The following CDKAL1 variants were observed in gnomAD, a reference collection of about 807,000 sequenced individuals.
CDKAL1 encodes the protein threonylcarbamoyladenosine tRNA methylthiotransferase.
CDKAL1 carries 32 observed loss-of-function variants against 68.2 expected under a neutral mutation model. The ratio of observed to expected loss-of-function variants is 0.47; its 90% confidence interval spans 0.35 to 0.63. CDKAL1 has a LOEUF of 0.63. CDKAL1 is among the 30% of genes least tolerant of loss of function. The probability of loss-of-function intolerance (pLI) is 0.00; values close to 1 mark genes in which losing one functional copy is unlikely to be tolerated. For synonymous variants in CDKAL1, 234 were observed against 244.3 expected (o/e 0.96, Z 0.39); for missense variants, 606 against 696.7 (o/e 0.87, Z 1.47).
intron 13 of CDKAL1, among the ~76,000 whole-genome samples, chr6:21,130,024 T>C (rs1057292596): frequency 6.6e-6 from 1 of 152,160 alleles, no homozygotes; most frequent in African/African-American, 2.4e-5. Flanking sequence ...TAGTCTGATA[T>C]GTCTTTCACC....
chr6:20,740,758 A>T (rs971060796), intron 6 of CDKAL1, among the ~76,000 whole-genome samples: 4 of 152,188 alleles, frequency 2.6e-5, no homozygotes, highest in African/African-American at 9.7e-5. Context: ...TTGAACAAAC[A>T]TTCTCACTTT....
At chr6:20,998,498 G>A (rs965792569) in intron 10 of CDKAL1, among the ~76,000 whole-genome samples, 1 of 152,110 alleles carries the variant, frequency 6.6e-6, no homozygotes, top group Non-Finnish European at 1.5e-5. Context: ...TGTAATCCCA[G>A]CTACTTGGAC....
chr6:21,018,446 G>C (rs1039263975), intron 11 of CDKAL1, among the ~76,000 whole-genome samples: 4 of 152,076 alleles, frequency 2.6e-5, no homozygotes, highest in African/African-American at 9.7e-5. Context: ...TGCTAATACC[G>C]AAGTTGATTT....
chr6:21,095,170 G>A (rs577112370), intron 12 of CDKAL1, among the ~76,000 whole-genome samples: 1 of 152,334 alleles, frequency 6.6e-6, no homozygotes, highest in East Asian at 1.9e-4. Context: ...AGTATCCCGA[G>A]GCTGAGTGGA....
chr6:20,833,850 T>C (rs1777820908), intron 8 of CDKAL1, among the ~76,000 whole-genome samples: 1 of 152,156 alleles, frequency 6.6e-6, no homozygotes, highest in Non-Finnish European at 1.5e-5. Context: ...TCTCAGTTAA[T>C]GCAAGGTTGG....
Position 21,104,873 on chromosome 6 carries a change from T to C in CDKAL1, c.1237-3528T>C, listed in dbSNP as rs565775089. On this transcript the variant is annotated intron_variant, in intron 12 of 15. Coordinates refer to ENST00000274695, the MANE Select transcript of CDKAL1 (RefSeq NM_017774.3). Reference sequence around the variant, plus strand: ...TATCAAAGTAAAATCAAAACCTACATTAAGTCACACAAAACAACTTCTGAA... The same window carrying C: ...TATCAAAGTAAAATCAAAACCTACACTAAGTCACACAAAACAACTTCTGAA... Among the ~76,000 whole-genome samples the C allele has an allele frequency of 5.3e-5, 8 of 152,298 alleles. No homozygotes were observed. In the South Asian group the frequency reaches 1.2e-3, roughly 24 times the overall value.
At chr6:20,673,285 T>C (rs1269455403) in intron 5 of CDKAL1, among the ~76,000 whole-genome samples, 1 of 152,186 alleles carries the variant, frequency 6.6e-6, no homozygotes, top group East Asian at 1.9e-4. Context: ...TCCCCAAAGA[T>C]ACCAAGATCT....
chr6:21,200,967 A>C, intron 14 of CDKAL1, 143 bp from the exon 15 acceptor site: 1 of 642,508 alleles, frequency 1.6e-6, no homozygotes, highest in Non-Finnish European at 2.6e-6. Context: ...TACTAATGTA[A>C]GACGGTAAAT....
intron 15 of CDKAL1, among the ~76,000 whole-genome samples, chr6:21,206,623 A>G (rs779288113): frequency 2.0e-5 from 3 of 152,218 alleles, no homozygotes; most frequent in Non-Finnish European, 2.9e-5. Context: ...TCTTAGTAGT[A>G]AAAATTGCTT....
At chr6:21,228,270 G>GTATC (rs1031422250) in intron 15 of CDKAL1, among the ~76,000 whole-genome samples, 1 of 152,152 alleles carries the variant, frequency 6.6e-6, no homozygotes, top group African/African-American at 2.4e-5. Flanking sequence ...CTGGGTGAAG[G>GTATC]TATCTGTGAA....
chr6:21,160,691 A>G (rs1406261216), intron 13 of CDKAL1, among the ~76,000 whole-genome samples: 1 of 138,158 alleles, frequency 7.2e-6, no homozygotes, highest in African/African-American at 2.7e-5. Context: ...GTGTCCAAAA[A>G]TATATATATA....
chr6:20,737,813 G>A (rs1322054703), intron 5 of CDKAL1, among the ~76,000 whole-genome samples: 1 of 152,150 alleles, frequency 6.6e-6, no homozygotes, highest in African/African-American at 2.4e-5. Flanking sequence ...TTATATCAAA[G>A]TGTTCTTAGA....
intron 4 of CDKAL1, among the ~76,000 whole-genome samples, chr6:20,585,099 C>T (rs1488251131): frequency 1.3e-5 from 2 of 151,008 alleles, no homozygotes; most frequent in African/African-American, 4.9e-5. Context: ...CTCTGTCGCC[C>T]ATGCTGGAGT....
chr6:21,012,876 G>A (rs1056302333), intron 11 of CDKAL1, among the ~76,000 whole-genome samples: 2 of 152,216 alleles, frequency 1.3e-5, no homozygotes, highest in African/African-American at 4.8e-5. Flanking sequence ...AGTAGCGGCT[G>A]TGCAGACCAT....
chr6:20,855,733 TTTC>T (rs1466913900), intron 9 of CDKAL1, among the ~76,000 whole-genome samples: 3 of 152,182 alleles, frequency 2.0e-5, no homozygotes, highest in African/African-American at 7.2e-5. Context: ...TCTTTAAATT[TTTC>T]TTTTCTTTGT....
chr6:21,118,714 C>T (rs1774548105), intron 13 of CDKAL1, among the ~76,000 whole-genome samples: 1 of 152,150 alleles, frequency 6.6e-6, no homozygotes, highest in Non-Finnish European at 1.5e-5. Flanking sequence ...TAATATTTTC[C>T]ATTATTCAAC....
At chr6:20,822,144 A>G (rs1777307859) in intron 8 of CDKAL1, among the ~76,000 whole-genome samples, 1 of 152,156 alleles carries the variant, frequency 6.6e-6, no homozygotes, top group South Asian at 2.1e-4. Flanking sequence ...CTTTCCAGGA[A>G]AAATATGCCA....
intron 6 of CDKAL1, among the ~76,000 whole-genome samples, chr6:20,740,387 CTT>C (rs967262897): frequency 2.0e-5 from 3 of 152,062 alleles, no homozygotes; most frequent in African/African-American, 7.2e-5. Context: ...TTCTCTCTCT[CTT>C]GTTCTTTGTA....
chr6:20,595,285 T>G (rs1765771581), intron 4 of CDKAL1, among the ~76,000 whole-genome samples: 1 of 152,184 alleles, frequency 6.6e-6, no homozygotes, highest in Non-Finnish European at 1.5e-5. Context: ...GGTTCCATTC[T>G]CCCCATCACT....
Sources: gnomAD v4.1 joint callset for allele counts (sites outside exome capture counted in the v4.1 genomes callset) on GRCh38, gnomAD v4.1.1 for gene constraint, MANE v1.5 for transcripts, NCBI Gene and HGNC (gene_info 2026-07-23, HGNC 2026-07-21) for gene names.